The following TMTC2 variants were observed in gnomAD, a reference collection of about 807,000 sequenced individuals.
TMTC2 encodes transmembrane O-mannosyltransferase targeting cadherins 2.
Under a neutral mutation model 82.4 loss-of-function variants are expected in TMTC2, and 43 were observed. The ratio of observed to expected loss-of-function variants is 0.52; its 90% CI spans 0.41 to 0.67. TMTC2 has a LOEUF of 0.67. TMTC2 is among the 30% of genes least tolerant of loss of function. The pLI is 0.00. For synonymous variants in TMTC2, 408 were observed against 381.9 expected (o/e 1.07, Z -0.80); for missense variants, 919 against 1,012.4 (o/e 0.91, Z 1.25).
chr12:82,876,162 GGT>G (rs1872563578), intron 2 of TMTC2, among the ~76,000 whole-genome samples: 1 of 142,736 alleles, frequency 7.0e-6, no homozygotes, highest in African/African-American at 2.9e-5. Flanking sequence ...TGGTAGTGGT[GGT>G]AGTGTTGTTG....
At chr12:83,054,143 C>T (rs1882450317) in intron 10 of TMTC2, among the ~76,000 whole-genome samples, 1 of 151,996 alleles carries the variant, frequency 6.6e-6, no homozygotes, top group African/African-American at 2.4e-5. Flanking sequence ...GAAAGAGAGA[C>T]AAACCTCCCT....
intron 1 of TMTC2, among the ~76,000 whole-genome samples, chr12:82,833,994 G>T (rs1411586469): frequency 6.6e-6 from 1 of 152,172 alleles, no homozygotes; most frequent in African/African-American, 2.4e-5. Context: ...TGGTAATTAA[G>T]AAGTTATAAC....
At chr12:83,131,037 G>A (rs1243778292) in intron 11 of TMTC2, among the ~76,000 whole-genome samples, 1 of 152,156 alleles carries the variant, frequency 6.6e-6, no homozygotes, top group Non-Finnish European at 1.5e-5. Flanking sequence ...CATGAATTCA[G>A]CTGAAAAGTG....
chr12:82,964,039 T>C lies in TMTC2; in HGVS notation c.1599-985T>C, dbSNP rs1173825039. Reference sequence around the variant, plus strand: ...TAACAGAATAAGTTTTTATTAGTAGTCTTCTCTTTTCTCTGACCTCCCTTT... The same window carrying C: ...TAACAGAATAAGTTTTTATTAGTAGCCTTCTCTTTTCTCTGACCTCCCTTT... On this transcript the variant is annotated intron_variant, in intron 4 of 11. Transcript: ENST00000321196. Among the ~76,000 whole-genome samples, 4 of 151,552 alleles carry C rather than the reference T, an allele frequency of 2.6e-5. No individual in the cohort carries two copies. The South Asian group carries it at 8.4e-4, about 32-fold the overall frequency.
chr12:83,092,118 T>A (rs1429820305), intron 11 of TMTC2, among the ~76,000 whole-genome samples: 1 of 152,240 alleles, frequency 6.6e-6, no homozygotes, highest in East Asian at 1.9e-4. Context: ...AGTTGTGTGC[T>A]TCTTCTCACT....
At chr12:83,090,757 A>G (rs1033315460) in intron 11 of TMTC2, among the ~76,000 whole-genome samples, 6 of 152,110 alleles carry the variant, frequency 3.9e-5, no homozygotes. Context: ...TGATATTTCT[A>G]AAGTGTAATT....
rs142776576 is a variant in TMTC2 at position 82,876,969 on chromosome 12, A to G, written c.655-18849A>G. 6.6e-5 allele frequency among the ~76,000 whole-genome samples: 10 copies of G among 152,286 alleles called. No homozygotes were observed. In the East Asian group the frequency reaches 1.9e-3, roughly 29 times the overall value. On this transcript the variant is annotated intron_variant, in intron 2 of 11. Transcript: ENST00000321196. ...TGTGAGCCTTTTTAAATTTTTATCT[A>G]TTTTAAGAATGCTTTCCTTCTCTCC... is the stretch of plus-strand genomic sequence containing the variant.
chr12:82,979,603 A>G lies in TMTC2; in HGVS notation c.1949-6322A>G, dbSNP rs149263756. 2.3e-3 allele frequency among the ~76,000 whole-genome samples: 343 copies of G among 151,934 alleles called. 2 individuals carry two copies. The highest frequency in any genetic ancestry group is 7.9e-3 in the African/African-American group (330 of 41,532). On this transcript the variant is annotated intron_variant, in intron 7 of 11. Transcript: ENST00000321196. ...ATTTTTCAATCTTTCAACTCAAGATATGAGTAATTATGTACCACCTAATTA... is the reference window on the plus strand; with the variant it reads ...ATTTTTCAATCTTTCAACTCAAGATGTGAGTAATTATGTACCACCTAATTA...
intron 8 of TMTC2, among the ~76,000 whole-genome samples, chr12:83,027,567 C>T (rs1157480736): frequency 6.6e-6 from 1 of 152,078 alleles, no homozygotes; most frequent in East Asian, 1.9e-4. Context: ...TTGATGTTTC[C>T]AAGAACCGAC....
chr12:82,730,525 CTA>C (rs1565725707), intron 1 of TMTC2, among the ~76,000 whole-genome samples: 1 of 152,114 alleles, frequency 6.6e-6, no homozygotes, highest in Non-Finnish European at 1.5e-5. Context: ...AACATTGACT[CTA>C]GTTAGATTTG....
intron 11 of TMTC2, among the ~76,000 whole-genome samples, chr12:83,100,208 T>G (rs1229886881): frequency 6.6e-6 from 1 of 152,074 alleles, no homozygotes; most frequent in African/African-American, 2.4e-5. Flanking sequence ...GTGTAAGCCA[T>G]CACTCCGGGC....
At chr12:83,002,243 A>G (rs1267074323) in intron 8 of TMTC2, among the ~76,000 whole-genome samples, 3 of 152,054 alleles carry the variant, frequency 2.0e-5, no homozygotes, top group Admixed American at 6.5e-5. Context: ...TTTCCTCTAG[A>G]TTTCATAGTA....
intron 1 of TMTC2, among the ~76,000 whole-genome samples, chr12:82,703,164 T>C (rs1449725528): frequency 6.6e-6 from 1 of 152,208 alleles, no homozygotes; most frequent in Non-Finnish European, 1.5e-5. Flanking sequence ...ATCATACCAC[T>C]GCACTCCAGT....
intron 11 of TMTC2, among the ~76,000 whole-genome samples, chr12:83,075,603 C>T (rs1038660905): frequency 2.6e-5 from 4 of 152,196 alleles, no homozygotes; most frequent in South Asian, 2.1e-4. Context: ...ATTAGCTCCT[C>T]AAATACATAT....
intron 7 of TMTC2, among the ~76,000 whole-genome samples, chr12:82,969,731 T>C (rs2137310990): frequency 6.6e-6 from 1 of 152,334 alleles, no homozygotes; most frequent in Admixed American, 6.5e-5. Context: ...TCATTTATTT[T>C]ATTATGGCAG....
intron 1 of TMTC2, among the ~76,000 whole-genome samples, chr12:82,837,230 C>A (rs569348528): frequency 6.6e-6 from 1 of 152,198 alleles, no homozygotes; most frequent in Non-Finnish European, 1.5e-5. Flanking sequence ...CCATCTACTG[C>A]GGACCAGTTG....
chr12:82,869,802 G>T (rs1872074049), intron 2 of TMTC2, among the ~76,000 whole-genome samples: 1 of 150,496 alleles, frequency 6.6e-6, no homozygotes, highest in African/African-American at 2.5e-5. Context: ...TTGCACCACT[G>T]TACTCCAACC....
chr12:83,101,210 A>G (rs1008243467), intron 11 of TMTC2, among the ~76,000 whole-genome samples: 2 of 152,334 alleles, frequency 1.3e-5, no homozygotes, highest in Non-Finnish European at 2.9e-5. Context: ...TTGTTTTTCA[A>G]TATCTAAGCA....
chr12:82,971,129 C>A (rs958168190), intron 7 of TMTC2, among the ~76,000 whole-genome samples: 1 of 151,982 alleles, frequency 6.6e-6, no homozygotes, highest in Admixed American at 6.6e-5. Flanking sequence ...ATAAAATAAT[C>A]TCTTTAATAA....
Sources: gnomAD v4.1 joint callset for allele counts (sites outside exome capture counted in the v4.1 genomes callset) on GRCh38, gnomAD v4.1.1 for gene constraint, MANE v1.5 for transcripts, NCBI Gene and HGNC (gene_info 2026-07-23, HGNC 2026-07-21) for gene names.